The following DNAH14 variants were observed in gnomAD, a reference collection of about 807,000 sequenced individuals.
The protein encoded by DNAH14 is dynein axonemal heavy chain 14.
Under a neutral mutation model 520.9 loss-of-function variants are expected in DNAH14, and 478 were observed. The ratio of observed to expected loss-of-function variants is 0.92; its 90% confidence interval spans 0.85 to 0.99. The LOEUF (loss-of-function observed/expected upper bound fraction) is 0.99, where lower values mean the gene tolerates loss of function less well. Among genes scored for constraint, DNAH14 ranks in the 50% least tolerant of loss-of-function variants. DNAH14 has a pLI of 0.00. For synonymous variants in DNAH14, 1,581 were observed against 1,757.2 expected (o/e 0.90, Z 2.51); for missense variants, 4,831 against 5,234.5 (o/e 0.92, Z 2.38).
chr1:225,073,561 T>G (rs557573539), intron 17 of DNAH14, among the ~76,000 whole-genome samples: 29 of 152,336 alleles, frequency 1.9e-4, no homozygotes, highest in African/African-American at 7.0e-4. Context: ...GCCCAGAGGA[T>G]GGAATGACTA....
intron 8 of DNAH14, among the ~76,000 whole-genome samples, chr1:224,978,566 G>C (rs2489344): frequency 0.15 from 22,967 of 152,130 alleles, 3,204 homozygotes; most frequent in African/African-American, 0.36. Context: ...GGAATAAGTT[G>C]TAGTGTTCTA....
chr1:225,312,713 T>C (rs1366381003), intron 60 of DNAH14, among the ~76,000 whole-genome samples: 10 of 152,236 alleles, frequency 6.6e-5, no homozygotes, highest in Non-Finnish European at 5.9e-5. Flanking sequence ...CATATGGTTT[T>C]TGTTATTAGT....
intron 38 of DNAH14, among the ~76,000 whole-genome samples, chr1:225,201,873 C>CTTTTTT (rs35342713): frequency 1.3e-4 from 16 of 122,500 alleles, no homozygotes; most frequent in African/African-American, 4.4e-4. Context: ...TTCTTTCTTC[C>CTTTTTT]TTTTTTTTTT....
Position 225,385,128 on chromosome 1 carries a change from A to C in DNAH14, c.13078-3251A>C, listed in dbSNP as rs1442624557. 1.8e-4 allele frequency among the ~76,000 whole-genome samples: 27 copies of C among 152,278 alleles called. No homozygotes were observed. In the East Asian group the frequency reaches 4.6e-3, roughly 26 times the overall value. On this transcript the variant is annotated intron_variant, in intron 81 of 85. Transcript: ENST00000682510. ...TGTAAACAGAACCAAAGACAAAAAC[A>C]ACATGATTATCTCAATAGATGCAGA...
intron 11 of DNAH14, among the ~76,000 whole-genome samples, chr1:225,036,356 C>G (rs953010861): frequency 6.6e-6 from 1 of 152,034 alleles, no homozygotes; most frequent in Admixed American, 6.6e-5. Context: ...AGACTGGTCT[C>G]GAACTCCTGA....
chr1:225,161,452 A>G lies in DNAH14; in HGVS notation c.5445+1967A>G, dbSNP rs138092042. Among the ~76,000 whole-genome samples, 549 of 152,276 alleles carry G rather than the reference A, an allele frequency of 3.6e-3. 6 individuals carry two copies. Among genetic ancestry groups the G allele is most frequent in the African/African-American group, 0.013 (520 of 41,562 alleles). On this transcript the variant is annotated intron_variant, in intron 35 of 85. Transcript: ENST00000682510. ...CTTCTGTTGCTTCCAAATCTTGGCT[A>G]TTGTGAACAGTACTGCAGCAAACAT...
At chr1:225,251,177 C>CATT (rs570245844) in intron 43 of DNAH14, among the ~76,000 whole-genome samples, 1 of 145,970 alleles carries the variant, frequency 6.9e-6, no homozygotes. Flanking sequence ...AAACTATAAA[C>CATT]TTTTTTTTTT....
At chr1:225,077,131 A>T (rs566250011) in intron 17 of DNAH14, among the ~76,000 whole-genome samples, 171 of 152,356 alleles carry the variant, frequency 1.1e-3, no homozygotes, top group African/African-American at 4.0e-3. Flanking sequence ...TTTATTATAA[A>T]TGAATTTTAT....
At chr1:225,072,352 A>T (rs1396920238) in intron 17 of DNAH14, among the ~76,000 whole-genome samples, 1 of 152,120 alleles carries the variant, frequency 6.6e-6, no homozygotes, top group Non-Finnish European at 1.5e-5. Context: ...TGATTGCATT[A>T]TGAAATTCTT....
intron 11 of DNAH14, 132 bp downstream of exon 11, chr1:225,023,997 T>C: frequency 7.1e-7 from 1 of 1,399,908 alleles, no homozygotes; most frequent in Admixed American, 3.1e-5. Context: ...CATGTACTCA[T>C]TTTTGCTATT....
At chr1:225,362,009 T>C (rs542466406) in intron 75 of DNAH14, among the ~76,000 whole-genome samples, 40 of 152,378 alleles carry the variant, frequency 2.6e-4, no homozygotes, top group African/African-American at 9.6e-4. Context: ...ATGTCTTTCA[T>C]TCATTATTCA....
intron 21 of DNAH14, among the ~76,000 whole-genome samples, chr1:225,088,496 G>A (rs908409532): frequency 2.0e-5 from 3 of 152,136 alleles, no homozygotes; most frequent in African/African-American, 7.2e-5. Context: ...AAAGAGAAAT[G>A]TTAAAAATGA....
intron 52 of DNAH14, among the ~76,000 whole-genome samples, chr1:225,274,194 G>GTTTTTTTTTTTTTTTTTTTTTTTTTTTTT (rs1193834939): frequency 4.2e-5 from 5 of 120,338 alleles, no homozygotes; most frequent in Admixed American, 8.7e-5. Flanking sequence ...ACCAGCATCT[G>GTTTTTTTTTTTTTTTTTTTTTTTTTTTTT]TTATTTTTTT....
intron 8 of DNAH14, among the ~76,000 whole-genome samples, chr1:224,995,138 T>C (rs1387020719): frequency 6.6e-6 from 1 of 152,146 alleles, no homozygotes; most frequent in Non-Finnish European, 1.5e-5. Context: ...ATTTATAGCA[T>C]TGAATTTTGT....
chr1:225,344,704 T>C (rs201685877), intron 69 of DNAH14, among the ~76,000 whole-genome samples: 19 of 82,054 alleles, frequency 2.3e-4, no homozygotes, highest in South Asian at 1.5e-3. Context: ...TATTTATTTA[T>C]TTATTTATTT....
At position 225,307,674 on chromosome 1, in the gene DNAH14, C is replaced by T. The variant is rs1358290261; in HGVS notation, c.9114+105C>T. The stretch of plus-strand genomic sequence containing the variant: ...TGACAAAGACAGGCTAGAATTCCAG[C>T]TTTGTTACCCTATAGTTGTGTACAC... On this transcript the variant is annotated intron_variant, in intron 59 of 85. Transcript: ENST00000682510. The T allele has an allele frequency of 9.7e-6, 8 of 822,696 alleles. No homozygotes were observed. In the African/African-American group the frequency reaches 1.1e-4, roughly 11 times the overall value. The allele number at this position is 822,696 out of a possible 1,614,324, so 51.0% of individuals were successfully genotyped here. A position where few individuals can be genotyped will look rare whatever the true frequency, so the allele number is the denominator to read the frequency against.
intron 11 of DNAH14, among the ~76,000 whole-genome samples, chr1:225,037,807 C>T (rs2067106459): frequency 6.6e-6 from 1 of 152,100 alleles, no homozygotes; most frequent in African/African-American, 2.4e-5. Flanking sequence ...CTCAGCCTCC[C>T]GAGTAGCTGA....
chr1:225,335,307 A>ATGTGTGTGTATG (rs1558426391), intron 66 of DNAH14, among the ~76,000 whole-genome samples: 20 of 136,058 alleles, frequency 1.5e-4, no homozygotes, highest in Non-Finnish European at 2.4e-4. Context: ...ACATGTGTAC[A>ATGTGTGTGTATG]CGTGTGTATA....
intron 85 of DNAH14, 106 bp from the exon 86 acceptor site, chr1:225,398,948 G>A (rs917633809): frequency 2.2e-6 from 2 of 920,622 alleles, no homozygotes; most frequent in East Asian, 2.6e-5. Context: ...AACCTTAAAT[G>A]TATCTAATTC....
Sources: gnomAD v4.1 joint callset for allele counts (sites outside exome capture counted in the v4.1 genomes callset) on GRCh38, gnomAD v4.1.1 for gene constraint, MANE v1.5 for transcripts, NCBI Gene and HGNC (gene_info 2026-07-23, HGNC 2026-07-21) for gene names.